Variants in PDE4D observed in about 807,000 individuals in gnomAD.
PDE4D encodes the protein 3',5'-cyclic-AMP phosphodiesterase 4D.
Under a neutral mutation model 87.4 loss-of-function variants are expected in PDE4D, and 24 were observed. The observed-to-expected ratio is 0.27, with a 90% confidence interval of 0.20 to 0.39. PDE4D has a LOEUF of 0.39. Among genes scored for constraint, PDE4D ranks in the 10% least tolerant of loss-of-function variants. The pLI is 1.00. For synonymous variants in PDE4D, 384 were observed against 383.2 expected (o/e 1.00, Z -0.02); for missense variants, 714 against 1,041.0 (o/e 0.69, Z 4.32).
intron 1 of PDE4D, among the ~76,000 whole-genome samples, chr5:59,393,620 CT>C (rs1438406622): frequency 6.6e-6 from 1 of 152,180 alleles, no homozygotes; most frequent in Non-Finnish European, 1.5e-5. Flanking sequence ...GGACGTTCCT[CT>C]TTTTTCTTCA....
intron 6 of PDE4D, among the ~76,000 whole-genome samples, chr5:59,030,422 C>CAAAAAAAAAAAAAAAAA (rs373275661): frequency 1.7e-5 from 1 of 58,300 alleles, no homozygotes; most frequent in Non-Finnish European, 3.1e-5. Flanking sequence ...AACAGAGATA[C>CAAAAAAAAAAAAAAAAA]AAAAAAAAAA....
intron 2 of PDE4D, among the ~76,000 whole-genome samples, chr5:60,009,438 T>G (rs1764801606): frequency 6.6e-6 from 1 of 152,012 alleles, no homozygotes. Context: ...GCACTGGAAA[T>G]ACAGTAGTGT....
chr5:59,677,126 C>T (rs1193191794), intron 1 of PDE4D, among the ~76,000 whole-genome samples: 1 of 150,712 alleles, frequency 6.6e-6, no homozygotes, highest in Non-Finnish European at 1.5e-5. Context: ...AAGTTGAGAT[C>T]TTTTTTTTTA....
At chr5:59,294,229 A>C (rs1485226120) in intron 1 of PDE4D, among the ~76,000 whole-genome samples, 2 of 152,058 alleles carry the variant, frequency 1.3e-5, no homozygotes, top group Admixed American at 6.6e-5. Flanking sequence ...TAAGGGAATG[A>C]AGAGTAAAAC....
intron 5 of PDE4D, among the ~76,000 whole-genome samples, chr5:59,087,615 T>G (rs2153426696): frequency 6.6e-6 from 1 of 152,324 alleles, no homozygotes; most frequent in South Asian, 2.1e-4. Flanking sequence ...CATCAAGTGA[T>G]GCCCCCATGC....
chr5:59,670,560 G>A (rs1023706535), intron 1 of PDE4D, among the ~76,000 whole-genome samples: 1 of 152,082 alleles, frequency 6.6e-6, no homozygotes, highest in African/African-American at 2.4e-5. Context: ...GTGTTTAGAT[G>A]AAGGTCTTAT....
chr5:59,546,493 T>C (rs1817286955), intron 1 of PDE4D, among the ~76,000 whole-genome samples: 1 of 152,102 alleles, frequency 6.6e-6, no homozygotes, highest in African/African-American at 2.4e-5. Flanking sequence ...TCTTATGAAT[T>C]GGATTGGATA....
At chr5:60,322,008 G>T (rs1756323187) in intron 1 of PDE4D, among the ~76,000 whole-genome samples, 1 of 151,802 alleles carries the variant, frequency 6.6e-6, no homozygotes, top group South Asian at 2.1e-4. Context: ...ATTTCTCCGA[G>T]AAATTAAGTC....
At chr5:59,033,260 C>T (rs779811812) in intron 6 of PDE4D, among the ~76,000 whole-genome samples, 4 of 152,064 alleles carry the variant, frequency 2.6e-5, no homozygotes, top group Admixed American at 1.3e-4. Flanking sequence ...CCCCCCAATC[C>T]CTGTTACAGG....
chr5:60,027,644 G>T (rs1209219059), intron 2 of PDE4D, among the ~76,000 whole-genome samples: 1 of 152,144 alleles, frequency 6.6e-6, no homozygotes, highest in African/African-American at 2.4e-5. Flanking sequence ...CACAGGCTTT[G>T]CCAGTTTCAG....
Position 59,811,658 on chromosome 5 carries a change from C to G in PDE4D, c.455+81510G>C, listed in dbSNP as rs866913741. Among the ~76,000 whole-genome samples the G allele has an allele frequency of 2.6e-5, 4 of 152,326 alleles. No individual in the cohort carries two copies. In the Middle Eastern group the frequency reaches 0.01, roughly 389 times the overall value. On this transcript the variant is annotated intron_variant, in intron 1 of 14. Transcript: ENST00000340635. ...TCCTCCTCTTGTCTCAGGCTAACCTCCTGTCCAGCTGCATGAAGCCTCAGA... is the reference window on the plus strand; with the variant it reads ...TCCTCCTCTTGTCTCAGGCTAACCTGCTGTCCAGCTGCATGAAGCCTCAGA...
chr5:60,190,982 AT>A (rs760559530), intron 1 of PDE4D, among the ~76,000 whole-genome samples: 17 of 152,038 alleles, frequency 1.1e-4, no homozygotes, highest in South Asian at 2.1e-4. Flanking sequence ...GGCTGGTCTC[AT>A]CTCTGCCGCA....
chr5:59,969,002 G>T (rs6873064), intron 3 of PDE4D, among the ~76,000 whole-genome samples: 1 of 123,160 alleles, frequency 8.1e-6, no homozygotes, highest in Non-Finnish European at 1.8e-5. Flanking sequence ...CCCCCCCCCC[G>T]AAAAAAAGAG....
At chr5:60,077,539 GC>G (rs1413712669) in intron 2 of PDE4D, among the ~76,000 whole-genome samples, 1 of 152,126 alleles carries the variant, frequency 6.6e-6, no homozygotes, top group Non-Finnish European at 1.5e-5. Flanking sequence ...CCAGGCTGGG[GC>G]CCCTGGAGAG....
chr5:60,043,465 G>A (rs1768767296), intron 2 of PDE4D, among the ~76,000 whole-genome samples: 1 of 152,036 alleles, frequency 6.6e-6, no homozygotes, highest in East Asian at 1.9e-4. Flanking sequence ...GATACTCCTC[G>A]AGAAGAGCAA....
At chr5:59,405,487 G>T (rs1057503292) in intron 1 of PDE4D, among the ~76,000 whole-genome samples, 2 of 152,070 alleles carry the variant, frequency 1.3e-5, no homozygotes, top group African/African-American at 2.4e-5. Context: ...AAGTCTTTAG[G>T]TTTTTCCAAA....
chr5:59,380,801 A>AT (rs1785652717), intron 1 of PDE4D, among the ~76,000 whole-genome samples: 3 of 68,148 alleles, frequency 4.4e-5, no homozygotes, highest in Admixed American at 1.2e-4. Flanking sequence ...AAGTTTACTT[A>AT]ATTTTTTTTT....
intron 1 of PDE4D, among the ~76,000 whole-genome samples, chr5:59,393,436 T>G (rs2153609560): frequency 6.6e-6 from 1 of 152,246 alleles, no homozygotes; most frequent in South Asian, 2.1e-4. Flanking sequence ...AAGGCAAAAT[T>G]CCTCTTCTCC....
intron 1 of PDE4D, among the ~76,000 whole-genome samples, chr5:59,869,639 T>C (rs1747530084): frequency 1.3e-5 from 2 of 152,158 alleles, no homozygotes; most frequent in Admixed American, 1.3e-4. Context: ...TAATGGTTCG[T>C]TTTCTCGTAA....
Sources: gnomAD v4.1 joint callset for allele counts (sites outside exome capture counted in the v4.1 genomes callset) on GRCh38, gnomAD v4.1.1 for gene constraint, MANE v1.5 for transcripts, NCBI Gene and HGNC (gene_info 2026-07-23, HGNC 2026-07-21) for gene names.